Variants in STRN observed in about 807,000 individuals in gnomAD.
STRN encodes striatin.
A neutral mutation model predicts 96.3 loss-of-function variants in STRN; 53 were observed. The ratio of observed to expected loss-of-function variants is 0.55; its 90% CI spans 0.44 to 0.69. The LOEUF (loss-of-function observed/expected upper bound fraction) is 0.69. Ranked by LOEUF, STRN falls within the 30% of genes least tolerant of loss-of-function variation. STRN has a pLI of 0.00. For synonymous variants in STRN, 428 were observed against 355.9 expected, an observed-to-expected ratio of 1.20 and a Z score of -2.28; for missense variants, 987 against 963.9, an observed-to-expected ratio of 1.02 and a Z score of -0.32.
At chr2:36,924,028 G>A (rs1670332225) in intron 2 of STRN, among the ~76,000 whole-genome samples, 1 of 152,096 alleles carries the variant, frequency 6.6e-6, no homozygotes, top group South Asian at 2.1e-4. Context: ...TGGAGAGATT[G>A]TAACGGCAGA....
Position 36,846,968 on chromosome 2 carries a change from T to C in STRN, c.*2488A>G, listed in dbSNP as rs1245297581. 2 of 152,186 alleles carry C rather than the reference T, an allele frequency of 1.3e-5. No homozygotes were observed. Among genetic ancestry groups the C allele is most frequent in the African/African-American group, 4.8e-5 (2 of 41,468 alleles). The allele number at this position is 152,186 out of a possible 1,614,324, so 9.4% of individuals were successfully genotyped here. On this transcript the variant is annotated 3_prime_UTR_variant, in exon 18 of 18. Transcript: ENST00000263918. Reference sequence around the variant, plus strand: ...AGCATTTCAATGGCTGTTTAAACATTGAATTTGTTCATTCTGTGAATTTTC... The same window carrying C: ...AGCATTTCAATGGCTGTTTAAACATCGAATTTGTTCATTCTGTGAATTTTC...
intron 1 of STRN, among the ~76,000 whole-genome samples, chr2:36,937,432 G>A (rs1670732429): frequency 6.6e-6 from 1 of 152,020 alleles, no homozygotes; most frequent in South Asian, 2.1e-4. Context: ...ACTTTGGGAG[G>A]TCAAGGCAGG....
chr2:36,902,271 C>T (rs1669705228), intron 5 of STRN, among the ~76,000 whole-genome samples: 4 of 152,234 alleles, frequency 2.6e-5, no homozygotes, highest in Admixed American at 1.3e-4. Context: ...AATCATGAAA[C>T]GTCATTCTTA....
Position 36,838,584 on chromosome 2 carries a change from G to A in STRN, c.*10872C>T, listed in dbSNP as rs553257350. Among the ~76,000 whole-genome samples the A allele has an allele frequency of 6.6e-6, 1 of 152,064 alleles. No homozygotes were observed. The highest frequency in any genetic ancestry group is 2.1e-4 in the South Asian group (1 of 4,806). On this transcript the variant is annotated 3_prime_UTR_variant, in exon 18 of 18. Transcript: ENST00000263918. ...AATGTTACAATAGTTATTGCCATGAGTATTAAGGGAAAAGTGTTTTTATAC... is the reference window on the plus strand; with the variant it reads ...AATGTTACAATAGTTATTGCCATGAATATTAAGGGAAAAGTGTTTTTATAC...
At chr2:36,855,153 T>C in intron 15 of STRN, 59 bp downstream of exon 15, 4 of 1,563,594 alleles carry the variant, frequency 2.6e-6, no homozygotes, top group East Asian at 2.3e-5. Context: ...ACTCTAGTAG[T>C]CGTAATTTTG....
chr2:36,948,613 G>A (rs899272969), intron 1 of STRN, among the ~76,000 whole-genome samples: 10 of 152,190 alleles, frequency 6.6e-5, no homozygotes, highest in African/African-American at 2.4e-4. Flanking sequence ...GATTGTCTGT[G>A]CTGTTGACTG....
Position 36,840,949 on chromosome 2 carries a change from G to A in STRN, c.*8507C>T, listed in dbSNP as rs931556671. On this transcript the variant is annotated 3_prime_UTR_variant, in exon 18 of 18. Transcript: ENST00000263918. Reference sequence around the variant, plus strand: ...CAAAAATAATTTCTGAAAATCACAGGAAAGAAAACTTTTGTGTATTTATTA... The same window carrying A: ...CAAAAATAATTTCTGAAAATCACAGAAAAGAAAACTTTTGTGTATTTATTA... 6.6e-6 allele frequency: 1 copy of A among 151,980 alleles called. No individual in the cohort carries two copies. The highest frequency in any genetic ancestry group is 1.5e-5 in the Non-Finnish European group (1 of 67,992). 9.4% of individuals were successfully genotyped at this position (151,980 alleles called of 1,614,324 possible). A position where few individuals can be genotyped will look rare whatever the true frequency, so the allele number is the denominator to read the frequency against.
intron 1 of STRN, among the ~76,000 whole-genome samples, chr2:36,957,540 A>G (rs1047855581): frequency 2.0e-5 from 3 of 152,076 alleles, no homozygotes; most frequent in Admixed American, 2.0e-4. Flanking sequence ...GTAAGCCAAG[A>G]TCACACCACT....
chr2:36,934,197 G>A (rs1429818044), intron 1 of STRN, among the ~76,000 whole-genome samples: 1 of 152,080 alleles, frequency 6.6e-6, no homozygotes, highest in East Asian at 1.9e-4. Context: ...TAAGAAAATG[G>A]CAGCTCTTAA....
At chr2:36,853,548 T>C (rs1668271655) in intron 15 of STRN, among the ~76,000 whole-genome samples, 1 of 152,230 alleles carries the variant, frequency 6.6e-6, no homozygotes, top group Admixed American at 6.5e-5. Context: ...GTCGGCAGAA[T>C]GCAAAGAACA....
rs1664807162 is a variant in STRN, at chr2:36,953,425, T to A, written c.234+12805A>T. ...TCCTTTTTTTTTTTTTTTTTGGAAA[T>A]GCAGTCTTGCTCTGTCACCCAGGCT... is the stretch of plus-strand genomic sequence containing the variant. On this transcript the variant is annotated intron_variant, in intron 1 of 17. Transcript: ENST00000263918. 2.1e-5 allele frequency among the ~76,000 whole-genome samples: 3 copies of A among 143,976 alleles called. No individual in the cohort carries two copies. The South Asian group carries it at 6.5e-4, about 31-fold the overall frequency. 94.5% of individuals were successfully genotyped at this position (143,976 alleles called of 152,430 possible).
Position 36,902,599 on chromosome 2 carries a change from T to C in STRN, c.644A>G (p.Glu215Gly). The C allele has an allele frequency of 6.2e-7, 1 of 1,606,360 alleles. No individual in the cohort carries two copies. Reference sequence around the variant, plus strand: ...AAATACTTACGCAATCATTGCTGTCTCTTTAACTTCAGCCTCTGTGCCATT... The same window carrying C: ...AAATACTTACGCAATCATTGCTGTCCCTTTAACTTCAGCCTCTGTGCCATT... ...VVNGTEAEVK[E>G]TAMIAKSELT... Residue 215 changes from glutamate to glycine, a missense_variant, in exon 5 of 18, where the codon GAG (glutamate) becomes GGG (glycine). Physicochemically the swap from Glu to Gly is moderately conservative, Grantham distance 98. Transcript: ENST00000263918.
rs1394280406 is a variant in STRN at position 36,850,909 on chromosome 2, G to A, written c.2086+91C>T. The A allele has an allele frequency of 4.2e-5, 41 of 982,716 alleles. 1 individual carries two copies. Among genetic ancestry groups the A allele is most frequent in the South Asian group, 1.7e-5 (1 of 60,600 alleles). The allele number at this position is 982,716 out of a possible 1,614,324, so 60.9% of individuals were successfully genotyped here. Reference sequence around the variant, plus strand: ...GGTTCAGTGCCTATTCCCTGACTACGAAACCACCAAGAGACACCAAAATTA... The same window carrying A: ...GGTTCAGTGCCTATTCCCTGACTACAAAACCACCAAGAGACACCAAAATTA... On this transcript the variant is annotated intron_variant, in intron 16 of 17. Coordinates refer to ENST00000263918, the MANE Select transcript of STRN (RefSeq NM_003162.4).
chr2:36,901,046 CAA>C (rs1669668840), intron 5 of STRN, among the ~76,000 whole-genome samples: 1 of 150,502 alleles, frequency 6.6e-6, no homozygotes, highest in Non-Finnish European at 1.5e-5. Context: ...ACAAAATTTT[CAA>C]AAGAGATCTA....
chr2:36,959,424 A>G (rs1664975930), intron 1 of STRN, among the ~76,000 whole-genome samples: 1 of 152,198 alleles, frequency 6.6e-6, no homozygotes, highest in African/African-American at 2.4e-5. Flanking sequence ...CCTGGCCCCT[A>G]GACAAAAAAT....
intron 10 of STRN, among the ~76,000 whole-genome samples, chr2:36,874,866 A>C (rs1033863928): frequency 6.6e-6 from 1 of 152,210 alleles, no homozygotes; most frequent in Non-Finnish European, 1.5e-5. Context: ...GAGAAATACT[A>C]AATGTTCTCA....
At chr2:36,941,547 T>C (rs918902190) in intron 1 of STRN, among the ~76,000 whole-genome samples, 1 of 152,052 alleles carries the variant, frequency 6.6e-6, no homozygotes, top group African/African-American at 2.4e-5. Flanking sequence ...TATTTTCTTA[T>C]GTAAACTTTT....
At chr2:36,904,636 G>A (rs1416441039) in intron 4 of STRN, among the ~76,000 whole-genome samples, 1 of 152,142 alleles carries the variant, frequency 6.6e-6, no homozygotes, top group Non-Finnish European at 1.5e-5. Flanking sequence ...AGATCAGCCT[G>A]GCCAACATGG....
chr2:36,889,939 A>G lies in STRN; in HGVS notation c.932-3113T>C, dbSNP rs142067479. Among the ~76,000 whole-genome samples the G allele has an allele frequency of 8.4e-3, 1,279 of 152,340 alleles. 12 individuals are homozygous for G. Among genetic ancestry groups the G allele is most frequent in the African/African-American group, 0.029 (1,225 of 41,562 alleles). ...GGCTAGGTAAAATGTACACACATGT[A>G]TCATATAATACACTGAGCTATGACT... On this transcript the variant is annotated intron_variant, in intron 7 of 17. Transcript: ENST00000263918.
Sources: gnomAD v4.1 joint callset for allele counts (sites outside exome capture counted in the v4.1 genomes callset) on GRCh38, gnomAD v4.1.1 for gene constraint, MANE v1.5 for transcripts, NCBI Gene and HGNC (gene_info 2026-07-23, HGNC 2026-07-21) for gene names.